DNAH8: variants seen among roughly 807,000 people sequenced by gnomAD.
DNAH8 encodes dynein axonemal heavy chain 8.
DNAH8 carries 382 observed loss-of-function variants against 562.1 expected under a neutral mutation model. That is an observed-to-expected ratio of 0.68 (90% CI 0.63 to 0.74). DNAH8 has a LOEUF of 0.74. Among genes scored for constraint, DNAH8 ranks in the 30% least tolerant of loss-of-function variants. DNAH8 has a pLI of 0.00. For synonymous variants in DNAH8, 1,881 were observed against 1,919.4 expected, an observed-to-expected ratio of 0.98 and a Z score of 0.52; for missense variants, 5,203 against 5,620.4, an observed-to-expected ratio of 0.93 and a Z score of 2.37.
chr6:38,962,203 G>A (rs1172142710), intron 82 of DNAH8, among the ~76,000 whole-genome samples: 1 of 152,006 alleles, frequency 6.6e-6, no homozygotes, highest in African/African-American at 2.4e-5. Flanking sequence ...TTGTAAAGAT[G>A]TCAATATTTC....
At chr6:38,755,794 G>A (rs1011422734) in intron 9 of DNAH8, among the ~76,000 whole-genome samples, 178 bp from the exon 10 acceptor site, 17 of 152,118 alleles carry the variant, frequency 1.1e-4, no homozygotes, top group Non-Finnish European at 1.0e-4. Flanking sequence ...CAAAACTAAT[G>A]TCCTGTTATC....
At chr6:39,016,739 A>G (rs1766597961) in intron 91 of DNAH8, among the ~76,000 whole-genome samples, 1 of 152,144 alleles carries the variant, frequency 6.6e-6, no homozygotes, top group African/African-American at 2.4e-5. Context: ...GTATAATGCA[A>G]TGTGGCATCT....
Position 38,756,013 on chromosome 6 carries a change from C to G in DNAH8, c.1449C>G (p.Ile483Met), listed in dbSNP as rs1765872509. 1 of 1,610,792 alleles carries G rather than the reference C, an allele frequency of 6.2e-7. No individual in the cohort carries two copies. The highest frequency in any genetic ancestry group is 2.2e-5 in the East Asian group (1 of 44,764). ...AHGIQNLINA[I>M]RMIHGVSRYY... ...GAATACAAAATTTGATTAATGCCAT[C>G]AGAATGATTCACGGTGTGTCAAGGT... Residue 483 changes from isoleucine to methionine, a missense_variant, in exon 10 of 93, where the codon ATC becomes ATG. Ile to Met is a conservative substitution (Grantham distance 10). Transcript: ENST00000327475.
intron 24 of DNAH8, among the ~76,000 whole-genome samples, chr6:38,811,944 G>T (rs780373630): frequency 6.6e-6 from 1 of 152,106 alleles, no homozygotes; most frequent in Non-Finnish European, 1.5e-5. Context: ...GGAGCACACG[G>T]GTAGCCTAAC....
At chr6:38,946,823 A>G (rs1761468076) in intron 80 of DNAH8, among the ~76,000 whole-genome samples, 3 of 151,738 alleles carry the variant, frequency 2.0e-5, no homozygotes, top group East Asian at 2.0e-4. Flanking sequence ...GGAAAAAAAA[A>G]GAAAAGAAAG....
chr6:38,723,445 G>A lies in DNAH8; in HGVS notation c.499G>A (p.Glu167Lys). The A allele has an allele frequency of 6.2e-7, 1 of 1,609,288 alleles. No homozygotes were observed. The highest frequency in any genetic ancestry group is 8.5e-7 in the Non-Finnish European group (1 of 1,179,192). ...ENLGLDIVTVEELILDCPSLE... is the reference protein window; with the variant it reads ...ENLGLDIVTVKELILDCPSLE... ...TCTTGGCCTGGACATAGTAACTGTT[G>A]AAGAATTAATTTTGGATTGCCCATC... Residue 167 changes from glutamate (E) to lysine (K), a missense_variant, in exon 3 of 93, where the codon GAA becomes AAA. Transcript: ENST00000327475.
In DNAH8 at chr6:38,998,683, C is replaced by A. The variant is rs188932126; in HGVS notation, c.13214+8511C>A. Among the ~76,000 whole-genome samples, 256 of 152,268 alleles carry A rather than the reference C, an allele frequency of 1.7e-3. 1 individual carries two copies. The highest frequency in any genetic ancestry group is 5.8e-3 in the African/African-American group (242 of 41,564). On this transcript the variant is annotated intron_variant, in intron 88 of 92. Transcript: ENST00000327475. Reference sequence around the variant, plus strand: ...AGGTAGTTGTTTATTTCATAGACAGCTCTGTTTTTCAGTTGTTTTGCATTT... The same window carrying A: ...AGGTAGTTGTTTATTTCATAGACAGATCTGTTTTTCAGTTGTTTTGCATTT...
intron 12 of DNAH8, among the ~76,000 whole-genome samples, chr6:38,774,100 C>A (rs548675160): frequency 6.6e-6 from 1 of 152,086 alleles, no homozygotes; most frequent in East Asian, 1.9e-4. Flanking sequence ...ATAGCAAGAA[C>A]GAAATGTGTG....
chr6:38,738,587 C>T (rs947011199), intron 7 of DNAH8, among the ~76,000 whole-genome samples: 1 of 152,150 alleles, frequency 6.6e-6, no homozygotes, highest in Non-Finnish European at 1.5e-5. Flanking sequence ...AGGAACCGCC[C>T]CCCAGATCTC....
At chr6:38,728,070 A>G (rs1278683209) in intron 3 of DNAH8, among the ~76,000 whole-genome samples, 1 of 152,112 alleles carries the variant, frequency 6.6e-6, no homozygotes. Context: ...GACTCGGGCC[A>G]TCCTCCGACT....
chr6:38,723,970 T>TTTAATTAATTAATTAATTAATTAA, intron 3 of DNAH8, among the ~76,000 whole-genome samples: 1 of 142,196 alleles, frequency 7.0e-6, no homozygotes, highest in Non-Finnish European at 1.6e-5. Flanking sequence ...TCTTTTTAAA[T>TTTAATTAATTAATTAATTAATTAA]TTAATTAATT....
Position 38,918,094 on chromosome 6 carries a change from C to T in DNAH8, c.10478C>T (p.Ala3493Val). 6.2e-7 allele frequency: 1 copy of T among 1,613,760 alleles called. No homozygotes were observed. The highest frequency in any genetic ancestry group is 8.5e-7 in the Non-Finnish European group (1 of 1,179,846). ...GCTGGTCTCCTGTCTTGGACACTTGCTATGGCAATATTTTATGGCATCAAT... is the reference window on the plus strand; with the variant it reads ...GCTGGTCTCCTGTCTTGGACACTTGTTATGGCAATATTTTATGGCATCAAT... Reference protein sequence around the residue: ...NVAGLLSWTLAMAIFYGINRE... With the variant: ...NVAGLLSWTLVMAIFYGINRE... The change falls in exon 70 of 93, where the codon GCT (alanine) becomes GTT (valine). Residue 3493 changes from alanine to valine, a missense_variant. Physicochemically the swap from Ala to Val is moderately conservative, Grantham distance 64. Around this residue, in one of 6 missense-constraint regions of DNAH8, gnomAD observed 1,399 missense variants for 1,518.4 expected, o/e 0.92. Transcript: ENST00000327475.
chr6:38,761,735 T>C lies in DNAH8; in HGVS notation c.1549T>C (p.Tyr517His), dbSNP rs61748600. ...TCAAATGGTAACAGCATGTAAAGCA[T>C]ATATTACTGATGGAGGATTAAACCA... is the stretch of plus-strand genomic sequence containing the variant. ...TNQMVTACKA[Y>H]ITDGGLNHVW... The change falls in exon 11 of 93, where the codon TAT (tyrosine) becomes CAT (histidine). Residue 517 changes from tyrosine (Y) to histidine (H), a missense_variant. Tyr to His is a moderately conservative substitution (Grantham distance 83). Around this residue, in one of 6 missense-constraint regions of DNAH8, gnomAD observed 2,176 missense variants for 2,365.1 expected, o/e 0.92. Transcript: ENST00000327475. 220,343 of 1,558,360 alleles carry C rather than the reference T, an allele frequency of 0.14. 17,449 individuals are homozygous for C. Among genetic ancestry groups the C allele is most frequent in the Admixed American group, 0.24 (12,087 of 49,364 alleles).
chr6:38,923,621 T>TAAAAATAA (rs1288929737), intron 72 of DNAH8: 213 of 176,912 alleles, frequency 1.2e-3, no homozygotes, highest in African/African-American at 4.7e-3. Flanking sequence ...AAAATAAAAA[T>TAAAAATAA]AAAAATAAAA....
chr6:38,780,092 G>A, intron 15 of DNAH8, 27 bp downstream of exon 15: 1 of 1,596,008 alleles, frequency 6.3e-7, no homozygotes, highest in Non-Finnish European at 8.6e-7. Flanking sequence ...TAAATAAAAT[G>A]GTACATTAGC....
At chr6:38,767,786 C>G (rs1026926818) in intron 11 of DNAH8, among the ~76,000 whole-genome samples, 6 of 152,132 alleles carry the variant, frequency 3.9e-5, no homozygotes, top group Non-Finnish European at 7.3e-5. Flanking sequence ...GTTTGAGTCC[C>G]TGCTTTCAAT....
chr6:38,798,819 A>T (rs888501752), intron 21 of DNAH8, among the ~76,000 whole-genome samples: 1 of 152,108 alleles, frequency 6.6e-6, no homozygotes, highest in African/African-American at 2.4e-5. Context: ...CAGCAGGGTG[A>T]GATACCGCAG....
At chr6:38,857,222 T>C (rs1776270656) in intron 41 of DNAH8, among the ~76,000 whole-genome samples, 1 of 152,182 alleles carries the variant, frequency 6.6e-6, no homozygotes, top group Non-Finnish European at 1.5e-5. Context: ...GAAAAATCGT[T>C]GCATGGAAGT....
At chr6:38,791,444 GT>G in intron 20 of DNAH8, 110 bp from the exon 21 acceptor site, 1 of 1,300,264 alleles carries the variant, frequency 7.7e-7, no homozygotes, top group East Asian at 2.6e-5. Flanking sequence ...CAAGATGCAA[GT>G]TTCTAGACTT....
Sources: allele counts gnomAD v4.1 joint callset (sites outside exome capture counted in the v4.1 genomes callset), GRCh38; gene constraint gnomAD v4.1.1; regional missense constraint gnomAD v4.1.1; transcripts MANE v1.5; gene names NCBI Gene and HGNC (gene_info 2026-07-23, HGNC 2026-07-21).